Variants in CNTFR observed in about 807,000 individuals in gnomAD.
The protein encoded by CNTFR is ciliary neurotrophic factor receptor subunit alpha.
Under a neutral mutation model 40.4 loss-of-function variants are expected in CNTFR, and 12 were observed. That is an observed-to-expected ratio of 0.30 (90% CI 0.19 to 0.48). The LOEUF (loss-of-function observed/expected upper bound fraction) is 0.48. Ranked by LOEUF, CNTFR falls within the 20% of genes least tolerant of loss-of-function variation. The pLI is 0.99. For synonymous variants in CNTFR, 202 were observed against 209.6 expected (o/e 0.96, Z 0.31); for missense variants, 414 against 506.8 (o/e 0.82, Z 1.76).
At chr9:34,583,482 C>T (rs1331807492) in intron 1 of CNTFR, among the ~76,000 whole-genome samples, 1 of 152,166 alleles carries the variant, frequency 6.6e-6, no homozygotes, top group African/African-American at 2.4e-5. Context: ...GGACAGGGGT[C>T]CTCACCCCAT....
intron 4 of CNTFR, among the ~76,000 whole-genome samples, chr9:34,562,074 C>T (rs983994665): frequency 1.3e-5 from 2 of 152,220 alleles, no homozygotes; most frequent in African/African-American, 2.4e-5. Context: ...AAGAAGATCA[C>T]ATCATCAAGA....
chr9:34,575,806 A>T (rs1564071564), intron 2 of CNTFR, among the ~76,000 whole-genome samples: 1 of 152,060 alleles, frequency 6.6e-6, no homozygotes, highest in Non-Finnish European at 1.5e-5. Context: ...GGGGAAAAGA[A>T]GCTTCAAATG....
chr9:34,580,544 C>G (rs1827234498), intron 2 of CNTFR, among the ~76,000 whole-genome samples: 2 of 152,234 alleles, frequency 1.3e-5, no homozygotes, highest in African/African-American at 4.8e-5. Context: ...TTGTGGGCCT[C>G]TGGCGGGTTT....
intron 3 of CNTFR, among the ~76,000 whole-genome samples, chr9:34,565,972 G>A (rs1309275457): frequency 6.6e-6 from 1 of 152,040 alleles, no homozygotes; most frequent in African/African-American, 2.4e-5. Flanking sequence ...GGGATCCCTC[G>A]TTAACACTCG....
At chr9:34,558,401 G>A (rs928896784) in intron 4 of CNTFR, among the ~76,000 whole-genome samples, 3 of 152,164 alleles carry the variant, frequency 2.0e-5, no homozygotes, top group African/African-American at 7.2e-5. Flanking sequence ...CCGACTGCTG[G>A]AGTATCGGGT....
At chr9:34,558,028 A>G (rs1276286979) in intron 4 of CNTFR, 44 bp from the exon 5 acceptor site, 1 of 1,399,912 alleles carries the variant, frequency 7.1e-7, no homozygotes, top group Non-Finnish European at 9.7e-7. Context: ...TGGAGCTCCC[A>G]GTCCCCTGCA....
chr9:34,583,642 AG>A (rs1320168141), intron 1 of CNTFR, among the ~76,000 whole-genome samples: 1 of 152,026 alleles, frequency 6.6e-6, no homozygotes, highest in African/African-American at 2.4e-5. Flanking sequence ...AAGCTCGCCA[AG>A]GCAGCTCTAT....
At chr9:34,571,792 CAG>C (rs1292334335) in intron 2 of CNTFR, among the ~76,000 whole-genome samples, 2 of 151,910 alleles carry the variant, frequency 1.3e-5, no homozygotes, top group African/African-American at 4.8e-5. Flanking sequence ...GGGAGAGACT[CAG>C]GGAGGAGAGA....
chr9:34,562,556 TAC>T (rs751812764), intron 4 of CNTFR, among the ~76,000 whole-genome samples: 7 of 152,316 alleles, frequency 4.6e-5, no homozygotes, highest in Non-Finnish European at 1.0e-4. Context: ...CCTAACATTT[TAC>T]ACAGTGTTCT....
chr9:34,580,528 C>T (rs57324697), intron 2 of CNTFR, among the ~76,000 whole-genome samples: 27,445 of 152,156 alleles, frequency 0.18, 2,523 homozygotes, highest in East Asian at 0.32. Flanking sequence ...AAAGCCCGGC[C>T]GGCCTTTGTG....
chr9:34,555,756 C>T (rs1359290313), intron 7 of CNTFR, among the ~76,000 whole-genome samples: 2 of 152,054 alleles, frequency 1.3e-5, no homozygotes, highest in Non-Finnish European at 2.9e-5. Context: ...ATCTGTGAGC[C>T]CTTGAGGACA....
chr9:34,582,246 C>T (rs1313214324), intron 1 of CNTFR: 2 of 145,920 alleles, frequency 1.4e-5, no homozygotes, highest in Non-Finnish European at 3.0e-5. Context: ...CTGCACTCTC[C>T]AGCCTGGGTG....
chr9:34,573,176 A>C (rs1402529155), intron 2 of CNTFR, among the ~76,000 whole-genome samples: 1 of 152,104 alleles, frequency 6.6e-6, no homozygotes, highest in Non-Finnish European at 1.5e-5. Flanking sequence ...CCCTCACCCC[A>C]TGCCCAGCTG....
chr9:34,569,089 G>C, intron 2 of CNTFR, 108 bp from the exon 3 acceptor site: 2 of 1,044,164 alleles, frequency 1.9e-6, no homozygotes, highest in Non-Finnish European at 2.8e-6. Context: ...CAGCCCTAGG[G>C]CCCTGGAGAG....
chr9:34,562,078 A>C (rs985197318), intron 4 of CNTFR, among the ~76,000 whole-genome samples: 1 of 152,242 alleles, frequency 6.6e-6, no homozygotes, highest in Non-Finnish European at 1.5e-5. Context: ...AGATCACATC[A>C]TCAAGAATGG....
chr9:34,576,719 G>A (rs1186369697), intron 2 of CNTFR, among the ~76,000 whole-genome samples: 3 of 152,220 alleles, frequency 2.0e-5, no homozygotes, highest in Non-Finnish European at 2.9e-5. Context: ...GGAGACAGAT[G>A]GTGGCACTGG....
At chr9:34,560,034 C>G (rs1275673136) in intron 4 of CNTFR, among the ~76,000 whole-genome samples, 1 of 152,244 alleles carries the variant, frequency 6.6e-6, no homozygotes, top group African/African-American at 2.4e-5. Flanking sequence ...TCTGGCTACT[C>G]CTGCCTGGCC....
chr9:34,560,867 A>G (rs932571366), intron 4 of CNTFR, among the ~76,000 whole-genome samples: 7 of 151,936 alleles, frequency 4.6e-5, no homozygotes, highest in Non-Finnish European at 8.8e-5. Context: ...TTTTCCTCCT[A>G]ATTGGCTTGT....
At chr9:34,555,883 G>T (rs1825810637) in intron 7 of CNTFR, among the ~76,000 whole-genome samples, 1 of 148,128 alleles carries the variant, frequency 6.8e-6, no homozygotes, top group Non-Finnish European at 1.5e-5. Context: ...TGCCTGTCCT[G>T]CCCGCCATCT....
Sources: allele counts gnomAD v4.1 joint callset (sites outside exome capture counted in the v4.1 genomes callset), GRCh38; gene constraint gnomAD v4.1.1; transcripts MANE v1.5; gene names NCBI Gene and HGNC (gene_info 2026-07-23, HGNC 2026-07-21).